Variants in PRKG1 observed in about 807,000 individuals in gnomAD.
PRKG1 encodes protein kinase cGMP-dependent 1.
Under a neutral mutation model 88.1 loss-of-function variants are expected in PRKG1, and 35 were observed. The ratio of observed to expected loss-of-function variants is 0.40; its 90% CI spans 0.30 to 0.53. PRKG1 has a LOEUF of 0.53. PRKG1 is among the 20% of genes least tolerant of loss of function. The probability of loss-of-function intolerance (pLI) is 0.59; values close to 1 mark genes in which losing one functional copy is unlikely to be tolerated. For missense variants in PRKG1, 540 were observed against 839.8 expected (o/e 0.64, Z 4.41); for synonymous variants, 303 against 292.5 (o/e 1.04, Z -0.37).
At chr10:51,712,133 T>C (rs543868506) in intron 3 of PRKG1, among the ~76,000 whole-genome samples, 3 of 152,294 alleles carry the variant, frequency 2.0e-5, no homozygotes, top group Non-Finnish European at 4.4e-5. Flanking sequence ...GATTGGATAG[T>C]CATGGAGAAA....
At chr10:51,726,141 C>A (rs1842125593) in intron 3 of PRKG1, among the ~76,000 whole-genome samples, 1 of 152,122 alleles carries the variant, frequency 6.6e-6, no homozygotes, top group South Asian at 2.1e-4. Flanking sequence ...GTCAAATTTT[C>A]TTTTTTGGTG....
At chr10:51,811,873 A>G (rs939226733) in intron 4 of PRKG1, among the ~76,000 whole-genome samples, 2 of 152,228 alleles carry the variant, frequency 1.3e-5, no homozygotes, top group African/African-American at 4.8e-5. Flanking sequence ...GCATTTTTTA[A>G]GTTCTCACCT....
At chr10:52,007,894 C>G (rs1387297869) in intron 5 of PRKG1, among the ~76,000 whole-genome samples, 1 of 152,012 alleles carries the variant, frequency 6.6e-6, no homozygotes, top group Non-Finnish European at 1.5e-5. Context: ...TAGTACTCAG[C>G]AAATGTGGAA....
intron 3 of PRKG1, among the ~76,000 whole-genome samples, chr10:51,563,533 A>T (rs1040209653): frequency 2.0e-5 from 3 of 152,076 alleles, no homozygotes; most frequent in Admixed American, 2.0e-4. Flanking sequence ...TTGAGATTTC[A>T]CATTTCAGCC....
chr10:51,123,711 A>T (rs1053421579), intron 1 of PRKG1, among the ~76,000 whole-genome samples: 9 of 148,384 alleles, frequency 6.1e-5, no homozygotes, highest in Non-Finnish European at 1.5e-5. Context: ...AAAAAAAATT[A>T]CTGGAGGCTC....
intron 7 of PRKG1, among the ~76,000 whole-genome samples, chr10:52,066,790 A>T (rs1342696605): frequency 2.0e-5 from 3 of 152,256 alleles, no homozygotes; most frequent in African/African-American, 4.8e-5. Context: ...CTGATTTTTT[A>T]AAAAAGCTCT....
chr10:52,125,610 A>T (rs1847913473), intron 7 of PRKG1: 1 of 152,140 alleles, frequency 6.6e-6, no homozygotes, highest in Non-Finnish European at 1.5e-5. Context: ...TCTTCCACCC[A>T]CAAATGTAAT....
At chr10:51,359,704 C>T (rs1176453844) in intron 2 of PRKG1, among the ~76,000 whole-genome samples, 1 of 151,666 alleles carries the variant, frequency 6.6e-6, no homozygotes, top group Non-Finnish European at 1.5e-5. Flanking sequence ...AATCATATGG[C>T]TCAATTAGAA....
intron 5 of PRKG1, among the ~76,000 whole-genome samples, chr10:51,960,918 T>C (rs1843431657): frequency 6.6e-6 from 1 of 152,142 alleles, no homozygotes. Flanking sequence ...TTATATGCCA[T>C]GCTACTCAGG....
intron 2 of PRKG1, among the ~76,000 whole-genome samples, chr10:51,186,954 T>TTATA (rs3061211): frequency 0.014 from 1,880 of 130,802 alleles, 34 homozygotes; most frequent in African/African-American, 0.033. Flanking sequence ...AGGCCCTGTG[T>TTATA]TATATATATA....
intron 2 of PRKG1, among the ~76,000 whole-genome samples, chr10:51,211,443 A>G (rs1158535937): frequency 2.6e-5 from 4 of 152,186 alleles, no homozygotes; most frequent in Admixed American, 2.6e-4. Flanking sequence ...CCTATTCAAC[A>G]TAGTGTTGGA....
intron 3 of PRKG1, among the ~76,000 whole-genome samples, chr10:51,668,400 T>C (rs1840474359): frequency 6.6e-6 from 1 of 152,246 alleles, no homozygotes; most frequent in African/African-American, 2.4e-5. Context: ...CATAATTTGC[T>C]CAAACAATTT....
At chr10:51,727,285 A>AT (rs147217250) in intron 3 of PRKG1, among the ~76,000 whole-genome samples, 6,871 of 140,090 alleles carry the variant, frequency 0.049, 220 homozygotes, top group Middle Eastern at 0.076. Context: ...AAAAAAAAAA[A>AT]ATATATATAT....
At chr10:51,403,325 G>T (rs1837810999) in intron 2 of PRKG1, among the ~76,000 whole-genome samples, 1 of 152,150 alleles carries the variant, frequency 6.6e-6, no homozygotes, top group African/African-American at 2.4e-5. Context: ...AAAATTTTCA[G>T]ATCTAAAGTT....
chr10:51,215,683 G>T (rs1473938946), intron 2 of PRKG1, among the ~76,000 whole-genome samples: 1 of 152,126 alleles, frequency 6.6e-6, no homozygotes, highest in Non-Finnish European at 1.5e-5. Context: ...AACATTCTTT[G>T]TCTCTCCCTC....
chr10:51,268,250 A>C (rs1215171238), intron 2 of PRKG1, among the ~76,000 whole-genome samples: 1 of 152,114 alleles, frequency 6.6e-6, no homozygotes, highest in Non-Finnish European at 1.5e-5. Flanking sequence ...TTGCTAATGA[A>C]GTTTGGGGCA....
intron 9 of PRKG1, among the ~76,000 whole-genome samples, chr10:52,219,357 C>T (rs1479892011): frequency 6.6e-6 from 1 of 152,050 alleles, no homozygotes; most frequent in African/African-American, 2.4e-5. Context: ...CATAAGAGTC[C>T]AGTAATCCTT....
intron 5 of PRKG1, among the ~76,000 whole-genome samples, chr10:52,011,724 C>G (rs1222802303): frequency 6.6e-6 from 1 of 152,100 alleles, no homozygotes; most frequent in Non-Finnish European, 1.5e-5. Context: ...TTCTAGTCAC[C>G]TCTTGATATG....
intron 4 of PRKG1, among the ~76,000 whole-genome samples, chr10:51,901,072 G>A (rs1287246932): frequency 1.3e-5 from 2 of 152,084 alleles, no homozygotes; most frequent in African/African-American, 4.8e-5. Context: ...GTATAGTTTG[G>A]TGTTACTGCT....
Sources: gnomAD v4.1 joint callset for allele counts (sites outside exome capture counted in the v4.1 genomes callset) on GRCh38, gnomAD v4.1.1 for gene constraint, MANE v1.5 for transcripts, NCBI Gene and HGNC (gene_info 2026-07-23, HGNC 2026-07-21) for gene names.